Variants in RAPGEF2 observed in about 807,000 individuals in gnomAD.
RAPGEF2 encodes the protein Rap guanine nucleotide exchange factor 2, also known as PDZ domain containing guanine nucleotide exchange factor (GEF) 1.
Under a neutral mutation model 186.7 loss-of-function variants are expected in RAPGEF2, and 54 were observed. That is an observed-to-expected ratio of 0.29 (90% CI 0.23 to 0.36). The LOEUF (loss-of-function observed/expected upper bound fraction) is 0.36. Ranked by LOEUF, RAPGEF2 falls within the 10% of genes least tolerant of loss-of-function variation. The pLI is 1.00. For synonymous variants in RAPGEF2, 712 were observed against 705.9 expected, an observed-to-expected ratio of 1.01 and a Z score of -0.14; for missense variants, 1,532 against 2,045.0, an observed-to-expected ratio of 0.75 and a Z score of 4.84.
intron 7 of RAPGEF2, among the ~76,000 whole-genome samples, chr4:159,260,169 G>A (rs1223921665): frequency 2.0e-5 from 3 of 151,812 alleles, no homozygotes; most frequent in Admixed American, 6.6e-5. Flanking sequence ...TTATAGAGAC[G>A]AGGTTTTGCC....
At chr4:159,320,641 A>C (rs776653345) in intron 9 of RAPGEF2, among the ~76,000 whole-genome samples, 4 of 152,140 alleles carry the variant, frequency 2.6e-5, no homozygotes, top group Non-Finnish European at 4.4e-5. Context: ...GATGACATAG[A>C]GTCCAATCAG....
At chr4:159,165,431 A>T (rs1459853229) in intron 1 of RAPGEF2, among the ~76,000 whole-genome samples, 1 of 152,230 alleles carries the variant, frequency 6.6e-6, no homozygotes, top group African/African-American at 2.4e-5. Flanking sequence ...ATTATTTTAT[A>T]TAATTGTATG....
intron 1 of RAPGEF2, among the ~76,000 whole-genome samples, chr4:159,178,580 C>T (rs1746693374): frequency 2.3e-5 from 2 of 85,200 alleles, no homozygotes; most frequent in Non-Finnish European, 4.1e-5. Context: ...TTTTTTGAGA[C>T]GGAGTCTCGC....
intron 1 of RAPGEF2, among the ~76,000 whole-genome samples, chr4:159,121,965 G>GGA (rs1402164308): frequency 1.3e-5 from 2 of 149,346 alleles, no homozygotes; most frequent in Admixed American, 1.3e-4. Flanking sequence ...GTAAAACCCG[G>GGA]GAGGCAGAGG....
At chr4:159,269,812 A>G (rs926683978) in intron 7 of RAPGEF2, among the ~76,000 whole-genome samples, 10 of 152,186 alleles carry the variant, frequency 6.6e-5, no homozygotes, top group Non-Finnish European at 8.8e-5. Flanking sequence ...GAAGTTTGCT[A>G]CTATGGGCAA....
At chr4:159,240,807 G>GTTTTTTTT (rs373635263) in intron 5 of RAPGEF2, among the ~76,000 whole-genome samples, 7 of 132,974 alleles carry the variant, frequency 5.3e-5, no homozygotes, top group South Asian at 2.4e-4. Context: ...TTCCATCAGG[G>GTTTTTTTT]TTTTTTTTTT....
intron 3 of RAPGEF2, among the ~76,000 whole-genome samples, chr4:159,207,703 G>A (rs766578843): frequency 1.3e-5 from 2 of 152,158 alleles, no homozygotes; most frequent in Non-Finnish European, 2.9e-5. Context: ...ATTTCCTTGG[G>A]CTAACGTTTT....
Position 159,323,469 on chromosome 4 carries a change from G to A in RAPGEF2, c.1001G>A (p.Trp334Ter). Residue 334 changes from tryptophan to a stop codon, truncating the protein, a stop_gained, in exon 11 of 30, where the codon TGG (tryptophan) becomes TAG (stop). Transcript: ENST00000691494. LOFTEE classifies it high-confidence loss of function. ...VLNDGEELDS[W>*]SVILNGSVEV... is the part of the protein sequence containing the mutation. ...ATTTTTTTGGATTAGCTGGACTCCT[G>A]GTCAGTGATTCTCAATGGATCTGTG... is the stretch of plus-strand genomic sequence containing the variant. The A allele has an allele frequency of 6.2e-7, 1 of 1,600,504 alleles. No homozygotes were observed. The highest frequency in any genetic ancestry group is 8.5e-7 in the Non-Finnish European group (1 of 1,173,692).
chr4:159,334,076 A>G (rs764923768), intron 17 of RAPGEF2, among the ~76,000 whole-genome samples: 1 of 152,230 alleles, frequency 6.6e-6, no homozygotes, highest in Non-Finnish European at 1.5e-5. Context: ...AAGGATAAGC[A>G]GTGAGTAGTA....
chr4:159,233,832 A>G (rs57894439), intron 4 of RAPGEF2, among the ~76,000 whole-genome samples: 2,222 of 152,214 alleles, frequency 0.015, 59 homozygotes, highest in African/African-American at 0.05. Context: ...CAAAAAATCA[A>G]TTGACCATTG....
At chr4:159,289,104 C>T (rs2110943829) in intron 7 of RAPGEF2, among the ~76,000 whole-genome samples, 1 of 152,232 alleles carries the variant, frequency 6.6e-6, no homozygotes, top group Non-Finnish European at 1.5e-5. Context: ...CCCTTCTCCC[C>T]TCAAGCCCCT....
intron 7 of RAPGEF2, among the ~76,000 whole-genome samples, chr4:159,275,234 A>G (rs1758704070): frequency 6.6e-6 from 1 of 152,130 alleles, no homozygotes; most frequent in Non-Finnish European, 1.5e-5. Context: ...AGATCTCTTC[A>G]TTCTACATCA....
chr4:159,236,782 A>G (rs1753315149), intron 4 of RAPGEF2, among the ~76,000 whole-genome samples: 1 of 152,194 alleles, frequency 6.6e-6, no homozygotes, highest in Non-Finnish European at 1.5e-5. Flanking sequence ...TTGAAGAGTT[A>G]TGGAATTTCA....
Position 159,299,532 on chromosome 4 carries a change from A to C in RAPGEF2, c.544-4810A>C, listed in dbSNP as rs190464145. On this transcript the variant is annotated intron_variant, in intron 7 of 29. Coordinates refer to ENST00000691494, the MANE Select transcript of RAPGEF2 (RefSeq NM_001394067.2). ...GATCTGGTACCACAGATGCTGCGCT[A>C]TATCAATAATTAGTAATTCAGGACG... 1.6e-3 allele frequency among the ~76,000 whole-genome samples: 236 copies of C among 152,202 alleles called. 1 individual carries two copies. Among genetic ancestry groups the C allele is most frequent in the Non-Finnish European group, 2.4e-4 (16 of 68,000 alleles).
At position 159,210,411 on chromosome 4, in the gene RAPGEF2, T is replaced by TA. The variant is rs1750405677; in HGVS notation, c.198-88dup. ...CTATTCTTTATTATTTTAAAAGTAA[T>TA]ATGGGTGCTGCACTTTGTGCTATAT... On this transcript the variant is annotated intron_variant, in intron 3 of 29. Transcript: ENST00000691494. 6 of 755,600 alleles carry TA rather than the reference T, an allele frequency of 7.9e-6. No individual in the cohort carries two copies. In the South Asian group the frequency reaches 1.1e-4, roughly 14 times the overall value. The allele number at this position is 755,600 out of a possible 1,614,324, so 46.8% of individuals were successfully genotyped here.
At chr4:159,106,505 A>G (rs559277278) in intron 1 of RAPGEF2, among the ~76,000 whole-genome samples, 1 of 152,336 alleles carries the variant, frequency 6.6e-6, no homozygotes, top group Admixed American at 6.5e-5. Flanking sequence ...CTTGTCTTAT[A>G]AATGTTTGTG....
At chr4:159,137,568 G>A (rs1741855316) in intron 1 of RAPGEF2, among the ~76,000 whole-genome samples, 1 of 152,128 alleles carries the variant, frequency 6.6e-6, no homozygotes, top group South Asian at 2.1e-4. Context: ...TCCATAACAT[G>A]TAACCATAGT....
At chr4:159,242,414 C>T (rs2111480677) in intron 6 of RAPGEF2, among the ~76,000 whole-genome samples, 1 of 151,882 alleles carries the variant, frequency 6.6e-6, no homozygotes, top group African/African-American at 2.4e-5. Context: ...TGTACACAGA[C>T]TTAAAATTAT....
intron 1 of RAPGEF2, among the ~76,000 whole-genome samples, chr4:159,170,501 TACG>T: frequency 6.6e-6 from 1 of 152,302 alleles, no homozygotes; most frequent in South Asian, 2.1e-4. Context: ...TGGCATTAGA[TACG>T]ATAAGTAATC....
Sources: allele counts gnomAD v4.1 joint callset (sites outside exome capture counted in the v4.1 genomes callset), GRCh38; gene constraint gnomAD v4.1.1; transcripts MANE v1.5; gene names NCBI Gene and HGNC (gene_info 2026-07-23, HGNC 2026-07-21).